The following PDE4DIP variants were observed in gnomAD, a reference collection of about 807,000 sequenced individuals.
The protein encoded by PDE4DIP is phosphodiesterase 4D interacting protein.
In PDE4DIP, 59 loss-of-function variants were observed where a neutral mutation model predicts 221.4. That is an observed-to-expected ratio of 0.27 (90% CI 0.22 to 0.33). PDE4DIP has a LOEUF of 0.33. Among genes scored for constraint, PDE4DIP ranks in the 10% least tolerant of loss-of-function variants. PDE4DIP has a pLI of 1.00. For missense variants in PDE4DIP, 1,036 were observed against 2,154.2 expected, an observed-to-expected ratio of 0.48 and a Z score of 10.28; for synonymous variants, 404 against 815.9, an observed-to-expected ratio of 0.50 and a Z score of 8.60.
intron 3 of PDE4DIP, among the ~76,000 whole-genome samples, chr1:148,877,105 G>A (rs1165520908): frequency 6.8e-6 from 1 of 147,352 alleles, no homozygotes; most frequent in African/African-American, 2.7e-5. Context: ...CTCAAGGTGA[G>A]GATTATTTCA....
intron 9 of PDE4DIP, among the ~76,000 whole-genome samples, chr1:148,963,903 G>C (rs1415906767): frequency 1.4e-5 from 2 of 147,536 alleles, no homozygotes; most frequent in Non-Finnish European, 3.0e-5. Flanking sequence ...ACAGGCACTG[G>C]CCGCCACCAC....
intron 5 of PDE4DIP, among the ~76,000 whole-genome samples, chr1:148,958,450 A>T (rs2055956077): frequency 6.6e-6 from 1 of 152,324 alleles, no homozygotes; most frequent in South Asian, 2.1e-4. Context: ...TTAAAATGAA[A>T]TCCAGTTCAT....
chr1:148,985,568 T>C (rs1160269443), intron 21 of PDE4DIP: 1 of 152,110 alleles, frequency 6.6e-6, no homozygotes, highest in Admixed American at 6.6e-5. Flanking sequence ...AAATAAAAAA[T>C]AGCTTTGTAA....
chr1:148,907,064 A>G (rs1553451029), intron 1 of PDE4DIP, among the ~76,000 whole-genome samples: 2 of 151,264 alleles, frequency 1.3e-5, no homozygotes, highest in Non-Finnish European at 2.9e-5. Flanking sequence ...AAACCAAAAA[A>G]AACAAAAAAA....
chr1:149,004,640 T>C (rs3851875), intron 26 of PDE4DIP, among the ~76,000 whole-genome samples: 835 of 16,584 alleles, frequency 0.05, 100 homozygotes, highest in East Asian at 0.4. Flanking sequence ...GTTTGAGTGA[T>C]CTAGAACAAG....
intron 43 of PDE4DIP, chr1:149,030,799 G>C (rs1447880744): frequency 1.0e-6 from 1 of 983,346 alleles, no homozygotes; most frequent in South Asian, 4.7e-5. Flanking sequence ...GGGTCTCATT[G>C]GTCTAAAAGC....
At chr1:148,953,928 G>A in intron 5 of PDE4DIP, 2 of 1,586,738 alleles carry the variant, frequency 1.3e-6, no homozygotes, top group African/African-American at 2.7e-5. Context: ...GCTACATAGT[G>A]CCTTTCTGAT....
At chr1:148,934,994 C>A (rs1167239234) in intron 4 of PDE4DIP, among the ~76,000 whole-genome samples, 1 of 151,904 alleles carries the variant, frequency 6.6e-6, no homozygotes. Context: ...GAGGCCGAGG[C>A]GGGCGGATCA....
chr1:148,982,434 G>A (rs182544115), intron 21 of PDE4DIP: 1 of 152,208 alleles, frequency 6.6e-6, no homozygotes, highest in Non-Finnish European at 1.5e-5. Context: ...TAGGCTTCAG[G>A]CTTTGAAGTG....
intron 5 of PDE4DIP, among the ~76,000 whole-genome samples, chr1:148,946,169 T>C (rs2500347): frequency 0.053 from 8,066 of 151,804 alleles, 621 homozygotes; most frequent in African/African-American, 0.18. Context: ...AGAAATGCAG[T>C]TGGCTTCAAA....
chr1:148,980,035 G>A (rs1553541141), intron 20 of PDE4DIP, among the ~76,000 whole-genome samples, 186 bp downstream of exon 23: 1 of 152,250 alleles, frequency 6.6e-6, no homozygotes. Context: ...CTGAGCCTCA[G>A]TGTCAAAATC....
intron 31 of PDE4DIP, 72 bp downstream of exon 34, chr1:149,010,667 A>C: frequency 2.0e-6 from 3 of 1,514,044 alleles, no homozygotes; most frequent in Non-Finnish European, 2.7e-6. Flanking sequence ...TTCTTCAACG[A>C]CAGAGGTTTG....
At chr1:149,028,561 T>A (rs781906111) in exon 41 of PDE4DIP, 85 of 1,610,522 alleles carry the variant, frequency 5.3e-5, no homozygotes, top group Admixed American at 2.2e-4. Flanking sequence ...TTTCCCCAGG[T>A]GCTAGGCAGC....
At chr1:148,970,928 A>T (rs1403385726) in intron 14 of PDE4DIP, among the ~76,000 whole-genome samples, 2 of 152,184 alleles carry the variant, frequency 1.3e-5, no homozygotes, top group Non-Finnish European at 2.9e-5. Flanking sequence ...AGAAATTGTG[A>T]CAAGAGCTCA....
chr1:148,920,086 T>C (rs2045186357), intron 1 of PDE4DIP, among the ~76,000 whole-genome samples: 2 of 149,836 alleles, frequency 1.3e-5, no homozygotes, highest in African/African-American at 2.5e-5. Flanking sequence ...GAATGTATGC[T>C]GGTATGCTGT....
chr1:148,884,480 C>CGGCG, upstream of PDE4DIP, among the ~76,000 whole-genome samples: 1 of 120,306 alleles, frequency 8.3e-6, no homozygotes, highest in Non-Finnish European at 1.8e-5. Context: ...GAGACGGAGT[C>CGGCG]TTGCTCTGTC....
chr1:148,999,535 A>T (rs1226486570), intron 23 of PDE4DIP, among the ~76,000 whole-genome samples: 7 of 152,182 alleles, frequency 4.6e-5, no homozygotes, highest in Non-Finnish European at 1.0e-4. Flanking sequence ...TCTATACTAC[A>T]TACTTTGTCA....
intron 34 of PDE4DIP, chr1:149,018,207 A>G: frequency 2.6e-6 from 1 of 383,886 alleles, no homozygotes; most frequent in Non-Finnish European, 4.7e-6. Context: ...TCGCCTCTTT[A>G]CCAAGGTGGC....
At chr1:149,019,546 A>G (rs1352330722) in intron 35 of PDE4DIP, 1 of 152,230 alleles carries the variant, frequency 6.6e-6, no homozygotes, top group Non-Finnish European at 1.5e-5. Context: ...AAGTTAACAG[A>G]TAAGAAAGAG....
Sources: gnomAD v4.1 joint callset for allele counts (sites outside exome capture counted in the v4.1 genomes callset) on GRCh38, gnomAD v4.1.1 for gene constraint, MANE v1.5 for transcripts, NCBI Gene and HGNC (gene_info 2026-07-23, HGNC 2026-07-21) for gene names.